Variants in HYAL3 observed in about 807,000 individuals in gnomAD.
The protein encoded by HYAL3 is hyaluronidase 3.
HYAL3 carries 25 observed loss-of-function variants against 29.6 expected under a neutral mutation model. The ratio of observed to expected loss-of-function variants is 0.85; its 90% CI spans 0.62 to 1.18. The LOEUF (loss-of-function observed/expected upper bound fraction) is 1.18. HYAL3 is among the 50% of genes most tolerant of loss of function. The probability of loss-of-function intolerance (pLI) is 0.00; values close to 1 mark genes in which losing one functional copy is unlikely to be tolerated. For synonymous variants in HYAL3, 215 were observed against 218.3 expected (o/e 0.99, Z 0.13); for missense variants, 442 against 548.4 (o/e 0.81, Z 1.94).
At position 50,292,835 on chromosome 3, in the gene HYAL3, T is replaced by C. The variant is rs782171542; in HGVS notation, c.*411A>G. On this transcript the variant is annotated 3_prime_UTR_variant, in exon 4 of 4. Transcript: ENST00000336307. ...GGAGCAACAGCCAAACCTCAGGCAG[T>C]GGAAAAAAGTGACTTTATGATGAAA... 1.9e-5 allele frequency: 29 copies of C among 1,501,356 alleles called. No homozygotes were observed. In the South Asian group the frequency reaches 3.2e-4, roughly 17 times the overall value. 93.0% of individuals were successfully genotyped at this position (1,501,356 alleles called of 1,614,324 possible).
Position 50,295,511 on chromosome 3 carries a change from A to T in HYAL3, c.92T>A (p.Phe31Tyr). ...TGAGGGTACATTCCACAGCACAGAGAAGGGGCGTTCAGGGACCTGTGGTAG... is the reference window on the plus strand; with the variant it reads ...TGAGGGTACATTCCACAGCACAGAGTAGGGGCGTTCAGGGACCTGTGGTAG... Reference protein sequence around the residue: ...QPLPQVPERPFSVLWNVPSAH... With the variant: ...QPLPQVPERPYSVLWNVPSAH... The change falls in exon 2 of 4, where the codon TTC (phenylalanine) becomes TAC (tyrosine). Residue 31 changes from phenylalanine to tyrosine, a missense_variant. Physicochemically the swap from Phe to Tyr is conservative, Grantham distance 22 (BLOSUM62 3). Coordinates refer to ENST00000336307, the MANE Select transcript of HYAL3 (RefSeq NM_003549.4). 6.3e-7 allele frequency: 1 copy of T among 1,598,056 alleles called. No homozygotes were observed. The highest frequency in any genetic ancestry group is 1.1e-5 in the South Asian group (1 of 90,526).
In HYAL3 at chr3:50,293,398, C is replaced by T. The variant is rs782752809; in HGVS notation, c.1102G>A (p.Ala368Thr). ...TCCATCTGTCCTGGATCTCGCCGGG[C>T]ACAGCGCCCGTGGCCATGGCACCGC... ...HQRCHGHGRCARRDPGQMEAF... is the reference protein window; with the variant it reads ...HQRCHGHGRCTRRDPGQMEAF... The change falls in exon 4 of 4, where the codon GCC becomes ACC. Residue 368 changes from alanine (A) to threonine (T), a missense_variant. By Grantham distance (58) the Ala-to-Thr change is moderately conservative. Coordinates refer to ENST00000336307, the MANE Select transcript of HYAL3 (RefSeq NM_003549.4). The T allele has an allele frequency of 3.1e-6, 5 of 1,613,684 alleles. No individual in the cohort carries two copies. Among genetic ancestry groups the T allele is most frequent in the Non-Finnish European group, 4.2e-6 (5 of 1,180,050 alleles).
intron 1 of HYAL3, among the ~76,000 whole-genome samples, chr3:50,298,436 G>A (rs1701954938): frequency 6.6e-6 from 1 of 151,876 alleles, no homozygotes; most frequent in Non-Finnish European, 1.5e-5. Context: ...ACTGGGCCTG[G>A]CCCACAGTCA....
In HYAL3 at chr3:50,297,919, G is replaced by A; in HGVS notation, c.-18+1294C>T. ...TGGGAGTGATGGATGAGCTGCTTAA[G>A]GCTGGGGCAGAACCTAGGAGTCCTG... On this transcript the variant is annotated intron_variant, in intron 1 of 3. Transcript: ENST00000336307. The surrounding 1 kb of genome is among the most constrained non-coding windows in gnomAD (Gnocchi z 4.3). 1.0e-5 allele frequency: 10 copies of A among 995,070 alleles called. No individual in the cohort carries two copies. Among genetic ancestry groups the A allele is most frequent in the Non-Finnish European group, 1.2e-5 (10 of 836,892 alleles). The allele number at this position is 995,070 out of a possible 1,614,324, so 61.6% of individuals were successfully genotyped here.
intron 1 of HYAL3, chr3:50,296,587 C>T (rs2109289234): frequency 6.2e-7 from 1 of 1,612,948 alleles, no homozygotes; most frequent in East Asian, 2.2e-5. Flanking sequence ...AAGACAGTTC[C>T]TTGCCCTGGA....
intron 1 of HYAL3, chr3:50,296,667 A>G (rs1553711201): frequency 6.2e-7 from 1 of 1,613,334 alleles, no homozygotes; most frequent in Admixed American, 1.7e-5. Context: ...TGTCTCCAGC[A>G]GGCTTTTTGA....
At chr3:50,294,280 A>G (rs1425341166) in intron 2 of HYAL3, among the ~76,000 whole-genome samples, 7 of 152,138 alleles carry the variant, frequency 4.6e-5, no homozygotes, top group Admixed American at 1.3e-4. Flanking sequence ...AGCCTGGGCA[A>G]CAGAGCAAGA....
intron 1 of HYAL3, chr3:50,296,497 C>A: frequency 2.2e-6 from 3 of 1,335,902 alleles, no homozygotes; most frequent in Non-Finnish European, 3.1e-6. Context: ...CAGGTTAAAG[C>A]TGCCCCCCAG....
At chr3:50,298,824 C>A in intron 1 of HYAL3, 8 of 1,186,402 alleles carry the variant, frequency 6.7e-6, no homozygotes, top group Non-Finnish European at 8.4e-6. Context: ...CCCTCACCTG[C>A]ATCAGCCACC....
intron 2 of HYAL3, 41 bp downstream of exon 2, chr3:50,294,668 T>A (rs782798651): frequency 6.8e-7 from 1 of 1,468,060 alleles, no homozygotes; most frequent in Non-Finnish European, 9.1e-7. Context: ...AACAGGGCCA[T>A]ACCTCCTGAC....
intron 1 of HYAL3, 80 bp from the exon 2 acceptor site, chr3:50,295,699 C>T: frequency 1.7e-6 from 2 of 1,188,572 alleles, no homozygotes. Flanking sequence ...GCCAGGAAAG[C>T]TCCCCCAGCT....
rs200289611 is a variant in HYAL3, at chr3:50,295,595, G to A, written c.8C>T (p.Thr3Met). 1.8e-5 allele frequency: 28 copies of A among 1,544,598 alleles called. No individual in the cohort carries two copies. The highest frequency in any genetic ancestry group is 4.5e-5 in the East Asian group (2 of 44,226). The change falls in exon 2 of 4, where the codon ACG (threonine) becomes ATG (methionine). Residue 3 changes from threonine to methionine, a missense_variant. Transcript: ENST00000336307. The stretch of plus-strand genomic sequence containing the variant: ...CAGCACCAGGGCTGGGCCCAGTTGC[G>A]TGGTCATTCCCCAAGGATGGAAACC... MTTQLGPALVLGV... is the reference protein window; with the variant it reads MTMQLGPALVLGV...
Position 50,297,334 on chromosome 3 carries a change from C to G in HYAL3, c.-17-1715G>C, listed in dbSNP as rs2109292378. On this transcript the variant is annotated intron_variant, in intron 1 of 3. Transcript: ENST00000336307. This position sits in a 1 kb window ranked among gnomAD's most constrained non-coding sequence, Gnocchi z 4.3. ...GTCTCCTCTGGCTGGTGTTCAGGATCCAGGGTAAGCTCAGTTGGACCAGGA... is the reference window on the plus strand; with the variant it reads ...GTCTCCTCTGGCTGGTGTTCAGGATGCAGGGTAAGCTCAGTTGGACCAGGA... 1 of 1,609,164 alleles carries G rather than the reference C, an allele frequency of 6.2e-7. No homozygotes were observed. Among genetic ancestry groups the G allele is most frequent in the South Asian group, 1.1e-5 (1 of 90,362 alleles).
rs781793341 is a variant in HYAL3 at position 50,297,475 on chromosome 3, G to C, written c.-18+1738C>G. 1 of 1,585,182 alleles carries C rather than the reference G, an allele frequency of 6.3e-7. No individual in the cohort carries two copies. The highest frequency in any genetic ancestry group is 2.2e-5 in the East Asian group (1 of 44,520). On this transcript the variant is annotated intron_variant, in intron 1 of 3. Transcript: ENST00000336307. This position sits in a 1 kb window ranked among gnomAD's most constrained non-coding sequence, Gnocchi z 4.3. The stretch of plus-strand genomic sequence containing the variant: ...AGGATCAGCTCCATCCGGTGTGTAG[G>C]GTCTAGTGTAGGGGTCAGCTTGGCT...
In HYAL3 at chr3:50,297,747, A is replaced by AG. The variant is rs782117945; in HGVS notation, c.-18+1465dup. ...GAGCAGGGAAGGGCTGACAGAGTGC[A>AG]GGGGGGACCATGCATACTGGAACTG... On this transcript the variant is annotated intron_variant, in intron 1 of 3. Transcript: ENST00000336307. The surrounding 1 kb of genome is among the most constrained non-coding windows in gnomAD (Gnocchi z 4.3). 33 of 1,316,672 alleles carry AG rather than the reference A, an allele frequency of 2.5e-5. No individual in the cohort carries two copies. The highest frequency in any genetic ancestry group is 2.9e-5 in the Non-Finnish European group (30 of 1,036,440). 81.6% of individuals were successfully genotyped at this position (1,316,672 alleles called of 1,614,324 possible).
intron 1 of HYAL3, chr3:50,296,627 T>C: frequency 6.2e-7 from 1 of 1,614,036 alleles, no homozygotes; most frequent in Non-Finnish European, 8.5e-7. Flanking sequence ...CCATCCAGAA[T>C]ATGGGGCGCC....
chr3:50,298,135 C>A (rs2109295049), intron 1 of HYAL3: 1 of 980,626 alleles, frequency 1.0e-6, no homozygotes, highest in Non-Finnish European at 1.2e-6. Flanking sequence ...CCTGCTCAAA[C>A]CTACCCAAGG....
chr3:50,296,490 GT>G, intron 1 of HYAL3: 3 of 1,301,450 alleles, frequency 2.3e-6, no homozygotes, highest in Non-Finnish European at 3.2e-6. Flanking sequence ...ACATGCCCAG[GT>G]TAAAGCTGCC....
rs915365369 is a variant in HYAL3, at chr3:50,294,919, G to A, written c.684C>T (p.Asn228=). The A allele has an allele frequency of 1.9e-6, 3 of 1,596,038 alleles. No individual in the cohort carries two copies. Among genetic ancestry groups the A allele is most frequent in the Non-Finnish European group, 1.7e-6 (2 of 1,166,936 alleles). The change falls in exon 2 of 4, where the codon AAC becomes AAT. Residue 228 remains asparagine, a synonymous_variant. Transcript: ENST00000336307. ...GRCHAATLAR[N]TQLHWLWAAS... is the part of the protein sequence containing the mutation. ...CGGCCCAGAGCCAATGCAGTTGAGT[G>A]TTGCGGGCAAGGGTGGCTGCATGGC... is the stretch of plus-strand genomic sequence containing the variant.
Sources: gnomAD v4.1 joint callset for allele counts (sites outside exome capture counted in the v4.1 genomes callset) on GRCh38, gnomAD v4.1.1 for gene constraint, Gnocchi (gnomAD v3.1) non-coding constraint, MANE v1.5 for transcripts, NCBI Gene and HGNC (gene_info 2026-07-23, HGNC 2026-07-21) for gene names.